Variants in EXOC4 observed in about 807,000 individuals in gnomAD.
The protein encoded by EXOC4 is exocyst complex component 4, also known as SEC8-like 1.
EXOC4 carries 71 observed loss-of-function variants against 107.2 expected under a neutral mutation model. That is an observed-to-expected ratio of 0.66 (90% CI 0.55 to 0.81). The LOEUF is 0.81. Ranked by LOEUF, EXOC4 falls within the 30% of genes least tolerant of loss-of-function variation. EXOC4 has a pLI of 0.00. For missense variants in EXOC4, 1,108 were observed against 1,189.6 expected, an observed-to-expected ratio of 0.93 and a Z score of 1.01; for synonymous variants, 456 against 441.2, an observed-to-expected ratio of 1.03 and a Z score of -0.42.
At chr7:133,868,883 G>A (rs2116383206) in intron 11 of EXOC4, among the ~76,000 whole-genome samples, 1 of 152,148 alleles carries the variant, frequency 6.6e-6, no homozygotes. Flanking sequence ...TGTGTATTTT[G>A]TATCTGCTTT....
At chr7:133,283,449 T>C (rs1794204728) in intron 2 of EXOC4, among the ~76,000 whole-genome samples, 1 of 152,228 alleles carries the variant, frequency 6.6e-6, no homozygotes, top group South Asian at 2.1e-4. Context: ...ATTCGTCTGT[T>C]GATGGACACT....
chr7:133,745,407 A>G (rs768502119), intron 10 of EXOC4, among the ~76,000 whole-genome samples: 85 of 152,288 alleles, frequency 5.6e-4, no homozygotes, highest in Non-Finnish European at 9.1e-4. Context: ...AATGAGAATT[A>G]TAGAAGTATC....
chr7:133,489,759 A>G (rs1395967460), intron 9 of EXOC4, among the ~76,000 whole-genome samples: 4 of 152,160 alleles, frequency 2.6e-5, no homozygotes, highest in African/African-American at 9.7e-5. Flanking sequence ...AATGAACAGG[A>G]CTGCCTTTGA....
At chr7:133,778,203 A>C (rs1046106956) in intron 10 of EXOC4, among the ~76,000 whole-genome samples, 15 of 152,142 alleles carry the variant, frequency 9.9e-5, no homozygotes, top group African/African-American at 3.6e-4. Flanking sequence ...TGCTTATCTT[A>C]GGGGGGGTAA....
intron 11 of EXOC4, among the ~76,000 whole-genome samples, chr7:133,857,806 G>A (rs1798449921): frequency 6.6e-6 from 1 of 151,988 alleles, no homozygotes; most frequent in Admixed American, 6.6e-5. Context: ...AGCCCCAAGG[G>A]GTGGGTGTGG....
intron 9 of EXOC4, among the ~76,000 whole-genome samples, chr7:133,538,435 G>T (rs1031439749): frequency 3.3e-5 from 5 of 152,000 alleles, no homozygotes; most frequent in Non-Finnish European, 7.4e-5. Flanking sequence ...TTTCTTCTCT[G>T]ATTGAATGCA....
intron 10 of EXOC4, among the ~76,000 whole-genome samples, chr7:133,787,964 TATATATATATATATA>T (rs1796617888): frequency 4.3e-4 from 4 of 9,238 alleles, no homozygotes; most frequent in East Asian, 4.4e-3. Flanking sequence ...TTTATATATT[TATATATATATATATA>T]TATATATATA....
chr7:133,994,120 A>G (rs1490579306), intron 14 of EXOC4, among the ~76,000 whole-genome samples: 1 of 152,224 alleles, frequency 6.6e-6, no homozygotes, highest in Non-Finnish European at 1.5e-5. Flanking sequence ...ACAGCTAACT[A>G]GGTGACTTAA....
chr7:133,889,093 T>C (rs1799149527), intron 11 of EXOC4, among the ~76,000 whole-genome samples: 1 of 152,154 alleles, frequency 6.6e-6, no homozygotes, highest in South Asian at 2.1e-4. Flanking sequence ...AGATTGATGG[T>C]TTTGAAACTT....
At chr7:133,339,270 T>C (rs572805249) in intron 5 of EXOC4, among the ~76,000 whole-genome samples, 4 of 152,174 alleles carry the variant, frequency 2.6e-5, no homozygotes, top group Non-Finnish European at 5.9e-5. Context: ...AGGGTGTCCT[T>C]TCTCTGCTTT....
In EXOC4 at chr7:133,931,699, C is replaced by T. The variant is rs1329296825; in HGVS notation, c.2028-6192C>T. On this transcript the variant is annotated intron_variant, in intron 13 of 17. Transcript: ENST00000253861. ...AATCTCTCATACTAATGCATTTGAA[C>T]TTATCACACACCTTGACCTGTGATT... Among the ~76,000 whole-genome samples, 6 of 152,268 alleles carry T rather than the reference C, an allele frequency of 3.9e-5. No homozygotes were observed. The East Asian group carries it at 7.7e-4, about 20-fold the overall frequency.
At chr7:133,371,967 C>T (rs770351168) in intron 6 of EXOC4, among the ~76,000 whole-genome samples, 1 of 152,152 alleles carries the variant, frequency 6.6e-6, no homozygotes, top group Non-Finnish European at 1.5e-5. Flanking sequence ...TTTTGATTTG[C>T]ATATCTCTGA....
chr7:133,660,388 T>C (rs1245276994), intron 10 of EXOC4, among the ~76,000 whole-genome samples: 1 of 152,122 alleles, frequency 6.6e-6, no homozygotes, highest in African/African-American at 2.4e-5. Context: ...TGTCTGCTTG[T>C]GTTTGCTGCA....
At chr7:133,642,967 C>T (rs1406987153) in intron 10 of EXOC4, among the ~76,000 whole-genome samples, 1 of 152,154 alleles carries the variant, frequency 6.6e-6, no homozygotes, top group Non-Finnish European at 1.5e-5. Flanking sequence ...CCTTTTCTTC[C>T]AACTTTTTCC....
At chr7:133,676,929 G>T (rs965253316) in intron 10 of EXOC4, among the ~76,000 whole-genome samples, 33 of 70,118 alleles carry the variant, frequency 4.7e-4, no homozygotes, top group African/African-American at 1.4e-3. Context: ...AGTAAACTCT[G>T]TGTGTGTGTG....
chr7:133,768,287 A>G (rs1475807482), intron 10 of EXOC4: 1 of 151,946 alleles, frequency 6.6e-6, no homozygotes, highest in Non-Finnish European at 1.5e-5. Flanking sequence ...ATTTTTTATT[A>G]TGAGGAATAT....
intron 17 of EXOC4, among the ~76,000 whole-genome samples, chr7:134,015,869 G>A (rs1249904415): frequency 7.6e-5 from 6 of 78,688 alleles, no homozygotes; most frequent in South Asian, 5.6e-4. Flanking sequence ...GCAAGACTCC[G>A]TCTCAAAAAA....
Position 133,255,991 on chromosome 7 carries a change from T to G in EXOC4, c.86+2804T>G, listed in dbSNP as rs188443414. Among the ~76,000 whole-genome samples the G allele has an allele frequency of 2.5e-3, 386 of 152,042 alleles. 4 individuals carry two copies. Among genetic ancestry groups the G allele is most frequent in the African/African-American group, 8.7e-3 (361 of 41,496 alleles). ...TATTCATTATTCCTTTTTTTTTTTT[T>G]GAGACGTAGTCCTGGAGTCTCTCTC... On this transcript the variant is annotated intron_variant, in intron 1 of 17. Transcript: ENST00000253861.
intron 10 of EXOC4, among the ~76,000 whole-genome samples, chr7:133,665,760 C>T (rs1018485750): frequency 6.6e-6 from 1 of 152,106 alleles, no homozygotes; most frequent in African/African-American, 2.4e-5. Flanking sequence ...CCTGGTATGA[C>T]TCTTTTCTAT....
Sources: gnomAD v4.1 joint callset for allele counts (sites outside exome capture counted in the v4.1 genomes callset) on GRCh38, gnomAD v4.1.1 for gene constraint, MANE v1.5 for transcripts, NCBI Gene and HGNC (gene_info 2026-07-23, HGNC 2026-07-21) for gene names.